The following FOXJ3 variants were observed in gnomAD, a reference collection of about 807,000 sequenced individuals.
The protein encoded by FOXJ3 is forkhead box J3.
In FOXJ3, 22 loss-of-function variants were observed where a neutral mutation model predicts 76.1. That is an observed-to-expected ratio of 0.29 (90% CI 0.21 to 0.41). The LOEUF is 0.41. Ranked by LOEUF, FOXJ3 falls within the 10% of genes least tolerant of loss-of-function variation. The pLI, the probability that FOXJ3 is intolerant of heterozygous loss-of-function variation, is 1.00. For missense variants in FOXJ3, 613 were observed against 762.1 expected, an observed-to-expected ratio of 0.80 and a Z score of 2.30; for synonymous variants, 269 against 261.2, an observed-to-expected ratio of 1.03 and a Z score of -0.29.
At chr1:42,247,247 T>A (rs1004952787) in intron 4 of FOXJ3, among the ~76,000 whole-genome samples, 3 of 152,178 alleles carry the variant, frequency 2.0e-5, no homozygotes, top group African/African-American at 7.2e-5. Context: ...TTACACATTC[T>A]ATGTATGTAA....
intron 2 of FOXJ3, among the ~76,000 whole-genome samples, chr1:42,309,634 A>G (rs1210418582): frequency 1.3e-5 from 2 of 152,220 alleles, no homozygotes; most frequent in East Asian, 3.8e-4. Flanking sequence ...CTATGCCCCA[A>G]CATTTAGAAT....
intron 1 of FOXJ3, among the ~76,000 whole-genome samples, chr1:42,311,480 G>A (rs750164099): frequency 7.2e-5 from 11 of 152,168 alleles, no homozygotes; most frequent in Admixed American, 1.3e-4. Flanking sequence ...GGATTCTAGA[G>A]AGGTGCCCAA....
At chr1:42,276,570 A>T (rs925524401) in intron 3 of FOXJ3, among the ~76,000 whole-genome samples, 1 of 152,176 alleles carries the variant, frequency 6.6e-6, no homozygotes, top group Admixed American at 6.5e-5. Context: ...TTTCGTTATA[A>T]TGTTGATGAG....
chr1:42,198,938 T>C (rs1298755547), intron 7 of FOXJ3, among the ~76,000 whole-genome samples, 164 bp downstream of exon 7: 1 of 152,224 alleles, frequency 6.6e-6, no homozygotes, highest in African/African-American at 2.4e-5. Context: ...ATTAAAACAC[T>C]AACAAGCTAC....
At chr1:42,252,509 CTCTT>C (rs1650178122) in intron 4 of FOXJ3, among the ~76,000 whole-genome samples, 1 of 151,916 alleles carries the variant, frequency 6.6e-6, no homozygotes, top group Non-Finnish European at 1.5e-5. Context: ...TGATTCTTCT[CTCTT>C]TTTTTCTTTA....
chr1:42,316,970 A>G (rs571244077), intron 1 of FOXJ3, among the ~76,000 whole-genome samples: 3 of 152,302 alleles, frequency 2.0e-5, no homozygotes, highest in South Asian at 2.1e-4. Flanking sequence ...AATCACCACT[A>G]AAGAACTTAT....
In FOXJ3 at chr1:42,278,619, A is replaced by G; in HGVS notation, c.98T>C (p.Leu33Pro). ...SLTSMDWLPQ[L>P]TMRAAIQKSD... ...TTTTTGGATGGCTGCTCTCATGGTG[A>G]GCTGTGGTAACCAGTCCATAGACGT... The change falls in exon 3 of 13, where the codon CTC (leucine) becomes CCC (proline). Residue 33 changes from leucine (L) to proline (P), a missense_variant. Transcript: ENST00000361346. The G allele has an allele frequency of 6.2e-7, 1 of 1,614,074 alleles. No individual in the cohort carries two copies. The highest frequency in any genetic ancestry group is 8.5e-7 in the Non-Finnish European group (1 of 1,180,008).
chr1:42,330,342 G>C (rs904539982), intron 1 of FOXJ3, among the ~76,000 whole-genome samples: 1 of 152,128 alleles, frequency 6.6e-6, no homozygotes, highest in Non-Finnish European at 1.5e-5. Context: ...TTTAAGTCCG[G>C]AAGAAAATCA....
chr1:42,221,153 C>T (rs745984349), intron 5 of FOXJ3, among the ~76,000 whole-genome samples: 11 of 152,252 alleles, frequency 7.2e-5, no homozygotes, highest in East Asian at 3.9e-4. Context: ...GGCAAAATCA[C>T]ATGTCATGTA....
intron 8 of FOXJ3, among the ~76,000 whole-genome samples, chr1:42,194,022 T>C (rs1422894507): frequency 1.3e-5 from 2 of 152,194 alleles, no homozygotes; most frequent in South Asian, 4.1e-4. Flanking sequence ...AGACACCATA[T>C]CTGCTGGTTC....
At position 42,191,441 on chromosome 1, in the gene FOXJ3, G is replaced by GTGGGTGTGGTGC. The variant is rs747401746; in HGVS notation, c.1201_1212dup (p.Ala401_Pro404dup). On this transcript the variant is annotated inframe_insertion, in exon 9 of 13. Coordinates refer to ENST00000361346, the MANE Select transcript of FOXJ3 (RefSeq NM_014947.5). ...GGGGACTGGAGCTGGCTGTGTTGCTGTGGGTGTGGTGCTGGGTGTGGGGAA... is the reference window on the plus strand; with the variant it reads ...GGGGACTGGAGCTGGCTGTGTTGCTGTGGGTGTGGTGCTGGGTGTGGTGCTGGGTGTGGGGAA... 53 of 1,613,342 alleles carry GTGGGTGTGGTGC rather than the reference G, an allele frequency of 3.3e-5. No homozygotes were observed. In the East Asian group the frequency reaches 7.1e-4, roughly 22 times the overall value.
intron 4 of FOXJ3, among the ~76,000 whole-genome samples, chr1:42,255,880 G>C (rs1484458346): frequency 6.6e-6 from 1 of 152,166 alleles, no homozygotes; most frequent in East Asian, 1.9e-4. Flanking sequence ...AAATTAGCCA[G>C]GCATGGTGGC....
At chr1:42,219,708 G>A (rs747994283) in intron 5 of FOXJ3, among the ~76,000 whole-genome samples, 20 of 152,156 alleles carry the variant, frequency 1.3e-4, no homozygotes, top group Non-Finnish European at 2.1e-4. Flanking sequence ...ACTTTGAGAG[G>A]CCAAGGCAGG....
intron 2 of FOXJ3, among the ~76,000 whole-genome samples, chr1:42,282,051 TCA>T (rs1491279547): frequency 6.8e-6 from 1 of 147,130 alleles, no homozygotes; most frequent in Non-Finnish European, 1.5e-5. Flanking sequence ...AGAGCGAGAC[TCA>T]GTCTCAAAAA....
chr1:42,188,062 CT>C (rs2124169924), intron 11 of FOXJ3, among the ~76,000 whole-genome samples: 1 of 152,144 alleles, frequency 6.6e-6, no homozygotes, highest in East Asian at 1.9e-4. Context: ...GAAGAGAGAG[CT>C]TGTTGGCATA....
intron 2 of FOXJ3, among the ~76,000 whole-genome samples, chr1:42,286,104 C>T (rs1247878322): frequency 6.6e-6 from 1 of 151,948 alleles, no homozygotes; most frequent in Non-Finnish European, 1.5e-5. Flanking sequence ...AAGGAGTCAA[C>T]TATGGAAGAA....
At chr1:42,249,643 G>C (rs1310286152) in intron 4 of FOXJ3, among the ~76,000 whole-genome samples, 2 of 152,216 alleles carry the variant, frequency 1.3e-5, no homozygotes, top group Non-Finnish European at 2.9e-5. Context: ...ACTAGGAAAA[G>C]ACAAACATCA....
intron 4 of FOXJ3, among the ~76,000 whole-genome samples, chr1:42,235,983 C>T (rs1445265629): frequency 6.6e-6 from 1 of 152,080 alleles, no homozygotes; most frequent in Admixed American, 6.5e-5. Flanking sequence ...GCTACCACAC[C>T]CGGCCATCTA....
At chr1:42,195,180 T>C in intron 7 of FOXJ3, 116 bp from the exon 8 acceptor site, 1 of 756,100 alleles carries the variant, frequency 1.3e-6, no homozygotes, top group Non-Finnish European at 2.0e-6. Context: ...AAAATAACTC[T>C]TCTGTCTTAG....
Sources: gnomAD v4.1 joint callset for allele counts (sites outside exome capture counted in the v4.1 genomes callset) on GRCh38, gnomAD v4.1.1 for gene constraint, MANE v1.5 for transcripts, NCBI Gene and HGNC (gene_info 2026-07-23, HGNC 2026-07-21) for gene names.